The following SPATA17 variants were observed in gnomAD, a reference collection of about 807,000 sequenced individuals.
SPATA17 encodes the protein spermatogenesis associated 17.
In SPATA17, 53 loss-of-function variants were observed where a neutral mutation model predicts 62.2. That is an observed-to-expected ratio of 0.85 (90% CI 0.68 to 1.07). The LOEUF (loss-of-function observed/expected upper bound fraction) is 1.07, where lower values mean the gene tolerates loss of function less well. SPATA17 is among the 50% of genes least tolerant of loss of function. SPATA17 has a pLI of 0.00. For synonymous variants in SPATA17, 146 were observed against 146.8 expected (o/e 0.99, Z 0.04); for missense variants, 466 against 425.5 (o/e 1.10, Z -0.84).
intron 8 of SPATA17, among the ~76,000 whole-genome samples, chr1:217,801,445 T>C (rs1674309543): frequency 6.6e-6 from 1 of 152,240 alleles, no homozygotes; most frequent in African/African-American, 2.4e-5. Flanking sequence ...ATAAATGTAT[T>C]ATTTAACATT....
At chr1:217,639,246 T>A (rs1267824509) in intron 1 of SPATA17, among the ~76,000 whole-genome samples, 1 of 152,162 alleles carries the variant, frequency 6.6e-6, no homozygotes, top group African/African-American at 2.4e-5. Context: ...AGGAAATGAA[T>A]GCCCTTTCTG....
At chr1:217,805,535 T>C (rs1674412537) in intron 9 of SPATA17, among the ~76,000 whole-genome samples, 1 of 152,226 alleles carries the variant, frequency 6.6e-6, no homozygotes, top group South Asian at 2.1e-4. Flanking sequence ...TTAAATGTTC[T>C]TGTCACAAAA....
chr1:217,645,122 A>G (rs12143528), intron 1 of SPATA17, among the ~76,000 whole-genome samples: 20,030 of 152,104 alleles, frequency 0.13, 1,449 homozygotes, highest in Non-Finnish European at 0.17. Flanking sequence ...CACATAAGTT[A>G]AAGTTTAGTA....
At chr1:217,858,048 G>C (rs1675821231) in intron 9 of SPATA17, among the ~76,000 whole-genome samples, 1 of 152,112 alleles carries the variant, frequency 6.6e-6, no homozygotes, top group Admixed American at 6.6e-5. Context: ...CCAAAATTAA[G>C]TACACAAGAA....
chr1:217,854,939 G>A (rs1183936777), intron 9 of SPATA17, among the ~76,000 whole-genome samples: 2 of 152,170 alleles, frequency 1.3e-5, no homozygotes, highest in Admixed American at 6.5e-5. Context: ...CTACTTTGTA[G>A]TAGACACTGT....
At chr1:217,663,138 T>C (rs1355470818) in intron 3 of SPATA17, among the ~76,000 whole-genome samples, 1 of 151,974 alleles carries the variant, frequency 6.6e-6, no homozygotes, top group Non-Finnish European at 1.5e-5. Context: ...ATGGAAAAAA[T>C]GATATTTTAA....
intron 9 of SPATA17, among the ~76,000 whole-genome samples, chr1:217,827,809 A>G (rs561727780): frequency 9.9e-5 from 15 of 152,264 alleles, no homozygotes; most frequent in African/African-American, 9.6e-5. Flanking sequence ...ACATGTTCTC[A>G]CTCATAAGTG....
intron 5 of SPATA17, among the ~76,000 whole-genome samples, chr1:217,716,731 A>G (rs1672012544): frequency 6.6e-6 from 1 of 152,244 alleles, no homozygotes; most frequent in African/African-American, 2.4e-5. Flanking sequence ...GGTATATTAT[A>G]ATCAGAAATG....
At chr1:217,833,216 G>A (rs914666193) in intron 9 of SPATA17, among the ~76,000 whole-genome samples, 4 of 151,986 alleles carry the variant, frequency 2.6e-5, no homozygotes, top group African/African-American at 4.8e-5. Flanking sequence ...AAAGTATATC[G>A]GCTATACATG....
At chr1:217,667,042 T>G (rs937621955) in intron 3 of SPATA17, among the ~76,000 whole-genome samples, 4 of 144,558 alleles carry the variant, frequency 2.8e-5, no homozygotes, top group Admixed American at 2.1e-4. Context: ...TTTTACTTTT[T>G]TTTTTCTTTT....
chr1:217,832,502 T>C (rs2103002519), intron 9 of SPATA17, among the ~76,000 whole-genome samples: 1 of 152,262 alleles, frequency 6.6e-6, no homozygotes, highest in Admixed American at 6.5e-5. Flanking sequence ...GATTTTCAGG[T>C]ATCAAATGTT....
intron 9 of SPATA17, among the ~76,000 whole-genome samples, chr1:217,829,390 G>A (rs1012311438): frequency 6.6e-6 from 1 of 151,936 alleles, no homozygotes; most frequent in Non-Finnish European, 1.5e-5. Context: ...TGCTTTGGGA[G>A]GCCAAGGAGG....
At chr1:217,761,273 G>T (rs1162892688) in intron 6 of SPATA17, among the ~76,000 whole-genome samples, 1 of 152,022 alleles carries the variant, frequency 6.6e-6, no homozygotes, top group Non-Finnish European at 1.5e-5. Context: ...CTGTATGTCT[G>T]GTATATTGTG....
chr1:217,823,463 AT>A (rs200990305), intron 9 of SPATA17, among the ~76,000 whole-genome samples: 4,895 of 151,994 alleles, frequency 0.032, 109 homozygotes, highest in Middle Eastern at 0.065. Context: ...AGTTCTAAGC[AT>A]CTATTTTTTT....
intron 9 of SPATA17, among the ~76,000 whole-genome samples, chr1:217,818,882 C>CTTTT (rs34580904): frequency 3.2e-5 from 4 of 125,404 alleles, no homozygotes; most frequent in African/African-American, 8.8e-5. Context: ...TTTCATTTTC[C>CTTTT]TTTTTTTTTT....
At chr1:217,799,339 A>G (rs74142806) in intron 8 of SPATA17, among the ~76,000 whole-genome samples, 4,912 of 152,212 alleles carry the variant, frequency 0.032, 223 homozygotes, top group African/African-American at 0.11. Flanking sequence ...TTGTTCAGAC[A>G]CAAAAGAAAA....
intron 5 of SPATA17, among the ~76,000 whole-genome samples, chr1:217,710,404 A>T (rs924784850): frequency 1.1e-4 from 17 of 152,262 alleles, no homozygotes; most frequent in African/African-American, 3.8e-4. Flanking sequence ...TTAAAAAAAA[A>T]CAACTCTTGA....
chr1:217,770,978 A>AATTTTTTTTT (rs1553251071), intron 6 of SPATA17, among the ~76,000 whole-genome samples: 1,512 of 50,164 alleles, frequency 0.03, 234 homozygotes, highest in Non-Finnish European at 0.035. Context: ...AACTCATTGC[A>AATTTTTTTTT]TTTTTTTTTT....
intron 5 of SPATA17, among the ~76,000 whole-genome samples, chr1:217,704,935 C>G (rs891276506): frequency 6.6e-6 from 1 of 152,078 alleles, no homozygotes; most frequent in Non-Finnish European, 1.5e-5. Context: ...TGGGATTGCT[C>G]GGTTGAGTGG....
Sources: gnomAD v4.1 joint callset for allele counts (sites outside exome capture counted in the v4.1 genomes callset) on GRCh38, gnomAD v4.1.1 for gene constraint, MANE v1.5 for transcripts, NCBI Gene and HGNC (gene_info 2026-07-23, HGNC 2026-07-21) for gene names.